The following FANCA variants were observed in gnomAD, a reference collection of about 807,000 sequenced individuals.
FANCA encodes Fanconi anemia group A protein.
A neutral mutation model predicts 194.3 loss-of-function variants in FANCA; 236 were observed. The ratio of observed to expected loss-of-function variants is 1.21; its 90% confidence interval spans 1.09 to 1.35. The LOEUF (loss-of-function observed/expected upper bound fraction) is 1.35. Ranked by LOEUF, FANCA falls within the 40% of genes most tolerant of loss-of-function variation. The pLI is 0.00. For missense variants in FANCA, 2,628 were observed against 1,813.9 expected (o/e 1.45, Z -8.15); for synonymous variants, 1,014 against 715.8 (o/e 1.42, Z -6.65).
chr16:89,802,959 G>A (rs1196324130), intron 8 of FANCA, among the ~76,000 whole-genome samples: 1 of 152,108 alleles, frequency 6.6e-6, no homozygotes, highest in African/African-American at 2.4e-5. Flanking sequence ...GACAGAAGAA[G>A]TAAGTTCTAA....
chr16:89,808,288 C>T lies in FANCA; in HGVS notation c.596+6G>A, dbSNP rs369548513. Reference sequence around the variant, plus strand: ...CAGTAACACTGAATCATCATTAGCACGCTACCTTTCCAGCAGCTCTTGCAG... The same window carrying T: ...CAGTAACACTGAATCATCATTAGCATGCTACCTTTCCAGCAGCTCTTGCAG... On this transcript the variant is annotated splice_donor_region_variant and intron_variant, in intron 6 of 42. Coordinates refer to ENST00000389301, the MANE Select transcript of FANCA (RefSeq NM_000135.4). 5.9e-5 allele frequency: 95 copies of T among 1,613,434 alleles called. 1 individual carries two copies. The Admixed American group carries it at 1.0e-3, about 18-fold the overall frequency.
At chr16:89,794,690 C>A (rs2040185124) in intron 11 of FANCA, among the ~76,000 whole-genome samples, 1 of 152,142 alleles carries the variant, frequency 6.6e-6, no homozygotes, top group South Asian at 2.1e-4. Flanking sequence ...CCCTCATCTC[C>A]CACCAGTTTC....
At position 89,746,564 on chromosome 16, in the gene FANCA, AAAC is replaced by A. The variant is rs2038397381; in HGVS notation, c.3513+17_3513+19del. The A allele has an allele frequency of 1.2e-6, 2 of 1,608,050 alleles. No individual in the cohort carries two copies. Among genetic ancestry groups the A allele is most frequent in the East Asian group, 4.5e-5 (2 of 44,866 alleles). ...CCACTCATCCCCAAAACAAAACACC[AAAC>A]AAGACAGCTGACCCACCAGAGCAGA... On this transcript the variant is annotated intron_variant, in intron 35 of 42. Transcript: ENST00000389301.
intron 30 of FANCA, among the ~76,000 whole-genome samples, chr16:89,754,258 A>AAC (rs149120390): frequency 0.01 from 1,521 of 149,962 alleles, 2 homozygotes; most frequent in African/African-American, 0.017. Flanking sequence ...CAACAAAAAA[A>AAC]ACAACACTGC....
In FANCA at chr16:89,737,971, C is replaced by T. The variant is rs1444437000; in HGVS notation, c.*630G>A. 4 of 1,614,152 alleles carry T rather than the reference C, an allele frequency of 2.5e-6. No individual in the cohort carries two copies. Among genetic ancestry groups the T allele is most frequent in the African/African-American group, 2.7e-5 (2 of 75,060 alleles). On this transcript the variant is annotated 3_prime_UTR_variant, in exon 43 of 43. Transcript: ENST00000389301. ...CGCACCTTCTTATCTGCCTCTGTCC[C>T]CCAGGTGTGAGGTCTGTGGGTTCCA...
chr16:89,739,841 T>C (rs1033321028), intron 39 of FANCA, 153 bp downstream of exon 39: 1 of 1,500,188 alleles, frequency 6.7e-7, no homozygotes, highest in African/African-American at 1.4e-5. Context: ...CTTATTGCTT[T>C]AAACAAGTTT....
At chr16:89,798,696 A>C (rs572981697) in intron 10 of FANCA, 2 of 1,294,170 alleles carry the variant, frequency 1.5e-6, no homozygotes, top group Non-Finnish European at 2.0e-6. Context: ...AGAAAAAGCT[A>C]ATAGGGCCAA....
chr16:89,799,557 A>G lies in FANCA; in HGVS notation c.826+48T>C, dbSNP rs201105034. The G allele has an allele frequency of 6.0e-5, 94 of 1,561,478 alleles. No individual in the cohort carries two copies. In the Admixed American group the frequency reaches 7.0e-4, roughly 12 times the overall value. On this transcript the variant is annotated intron_variant, in intron 9 of 42. Transcript: ENST00000389301. Reference sequence around the variant, plus strand: ...GCAGAAAACTGATACAATTGCTAATAAGCAAACTAAGTCATTTACAGTCTG... The same window carrying G: ...GCAGAAAACTGATACAATTGCTAATGAGCAAACTAAGTCATTTACAGTCTG...
At chr16:89,762,337 T>C (rs1036757651) in intron 28 of FANCA, among the ~76,000 whole-genome samples, 7 of 152,148 alleles carry the variant, frequency 4.6e-5, no homozygotes, top group Non-Finnish European at 8.8e-5. Flanking sequence ...CTCATGCCTG[T>C]AATCCCAGCA....
In FANCA at chr16:89,761,989, C is replaced by T. The variant is rs376106733; in HGVS notation, c.2812G>A (p.Glu938Lys). Residue 938 changes from glutamate (E) to lysine (K), a missense_variant, in exon 29 of 43, where the codon GAA becomes AAA. Transcript: ENST00000389301. ...AGAGCATCAGCTTCAGGTTGAATTT[C>T]CAGCTCCAGGTGTAACCAGTCTTGG... ...TYQDWLHLEL[E>K]IQPEADALSD... The T allele has an allele frequency of 6.2e-7, 1 of 1,613,970 alleles. No homozygotes were observed. Among genetic ancestry groups the T allele is most frequent in the East Asian group, 2.2e-5 (1 of 44,896 alleles).
At chr16:89,816,506 C>T in intron 1 of FANCA, 31 bp downstream of exon 1, 2 of 1,472,258 alleles carry the variant, frequency 1.4e-6, no homozygotes, top group Middle Eastern at 2.2e-4. Context: ...CCGGACGCCG[C>T]CCACTCCCGC....
At chr16:89,747,110 G>A (rs1272853546) in intron 33 of FANCA, among the ~76,000 whole-genome samples, 1 of 152,198 alleles carries the variant, frequency 6.6e-6, no homozygotes, top group African/African-American at 2.4e-5. Context: ...CAGCCCACCA[G>A]CTCTGGCCCA....
Position 89,803,338 on chromosome 16 carries a change from A to T in FANCA, c.713T>A (p.Phe238Tyr). Reference sequence around the variant, plus strand: ...TCCCCTCAAAACAAACATTTGAACAAAATCTGAAAAACCATAAAACCAAAG... The same window carrying T: ...TCCCCTCAAAACAAACATTTGAACATAATCTGAAAAACCATAAAACCAAAG... The part of the protein sequence containing the change: ...ADVARAMLSD[F>Y]VQMFVLRGFQ... Residue 238 changes from phenylalanine to tyrosine, a missense_variant, in exon 8 of 43, where the codon TTT becomes TAT. Phe to Tyr is a conservative substitution (Grantham distance 22). Transcript: ENST00000389301. 1.9e-6 allele frequency: 3 copies of T among 1,614,076 alleles called. No homozygotes were observed. Among genetic ancestry groups the T allele is most frequent in the Non-Finnish European group, 2.5e-6 (3 of 1,179,960 alleles).
intron 30 of FANCA, among the ~76,000 whole-genome samples, chr16:89,757,600 T>C (rs1020661537): frequency 6.6e-6 from 1 of 152,160 alleles, no homozygotes; most frequent in Non-Finnish European, 1.5e-5. Flanking sequence ...GGGGGGAAGC[T>C]GCATACACAC....
chr16:89,764,627 G>A (rs187498051), intron 28 of FANCA, among the ~76,000 whole-genome samples: 8 of 152,292 alleles, frequency 5.3e-5, no homozygotes, highest in African/African-American at 2.4e-5. Flanking sequence ...CTTAAGAGCT[G>A]CACATGAGGC....
At position 89,771,736 on chromosome 16, in the gene FANCA, T is replaced by G. The variant is rs2143350667; in HGVS notation, c.2093A>C (p.Glu698Ala). Residue 698 changes from glutamate to alanine, a missense_variant, in exon 23 of 43, where the codon GAG (glutamate) becomes GCG (alanine). Glu to Ala is a moderately radical substitution (Grantham distance 107, BLOSUM62 -1). Coordinates refer to ENST00000389301, the MANE Select transcript of FANCA (RefSeq NM_000135.4). ...GATGCTGAGCTGAATCTTTGATATC[T>G]CAACGCTGCTGTCATCCTCATTGTG... Reference protein sequence around the residue: ...LGHNEDDSSVEISKIQLSINT... With the variant: ...LGHNEDDSSVAISKIQLSINT... 1 of 1,614,150 alleles carries G rather than the reference T, an allele frequency of 6.2e-7. No homozygotes were observed. Among genetic ancestry groups the G allele is most frequent in the Non-Finnish European group, 8.5e-7 (1 of 1,180,030 alleles).
At position 89,739,655 on chromosome 16, in the gene FANCA, G is replaced by C. The variant is rs1061647; in HGVS notation, c.3935-102C>G. ...CGGGACGTGTACCCTGGGAGGCCTG[G>C]CTGTGGGGATAGTGTGGGGCGAACA... On this transcript the variant is annotated intron_variant, in intron 39 of 42. Coordinates refer to ENST00000389301, the MANE Select transcript of FANCA (RefSeq NM_000135.4). 116,106 of 1,507,230 alleles carry C rather than the reference G, an allele frequency of 0.077. 5,363 individuals carry two copies. The highest frequency in any genetic ancestry group is 0.16 in the East Asian group (6,534 of 40,638). 93.4% of individuals were successfully genotyped at this position (1,507,230 alleles called of 1,614,324 possible).
chr16:89,776,159 CTTTTTTTT>C (rs3069458), intron 20 of FANCA, among the ~76,000 whole-genome samples: 65 of 93,308 alleles, frequency 7.0e-4, no homozygotes, highest in African/African-American at 1.4e-3. Context: ...CTTTGTTTTT[CTTTTTTTT>C]TTTTTTTTTT....
rs576636941 is a variant in FANCA at position 89,810,425 on chromosome 16, G to C, written c.522+282C>G. 3.4e-5 allele frequency: 13 copies of C among 387,982 alleles called. No homozygotes were observed. In the Admixed American group the frequency reaches 4.4e-4, roughly 13 times the overall value. The allele number at this position is 387,982 out of a possible 1,614,324, so 24.0% of individuals were successfully genotyped here. A position where few individuals can be genotyped will look rare whatever the true frequency, so the allele number is the denominator to read the frequency against. On this transcript the variant is annotated intron_variant, in intron 5 of 42. Transcript: ENST00000389301. ...TTTAATAGTTTACTATACTACCCTG[G>C]AAAATTCTCCATACTAATATACCCA... is the stretch of plus-strand genomic sequence containing the variant.
Sources: gnomAD v4.1 joint callset for allele counts (sites outside exome capture counted in the v4.1 genomes callset) on GRCh38, gnomAD v4.1.1 for gene constraint, MANE v1.5 for transcripts, NCBI Gene and HGNC (gene_info 2026-07-23, HGNC 2026-07-21) for gene names.